The following ADD2 variants were observed in gnomAD, a reference collection of about 807,000 sequenced individuals.
ADD2 encodes the protein adducin 2.
ADD2 carries 23 observed loss-of-function variants against 83.0 expected under a neutral mutation model. That is an observed-to-expected ratio of 0.28 (90% CI 0.20 to 0.39). The LOEUF (loss-of-function observed/expected upper bound fraction) is 0.39, where lower values mean the gene tolerates loss of function less well. Among genes scored for constraint, ADD2 ranks in the 10% least tolerant of loss-of-function variants. ADD2 has a pLI of 1.00. For synonymous variants in ADD2, 375 were observed against 375.4 expected (o/e 1.00, Z 0.01); for missense variants, 758 against 944.9 (o/e 0.80, Z 2.59).
At chr2:70,704,273 AC>A in intron 4 of ADD2, 47 bp downstream of exon 4, 1 of 523,424 alleles carries the variant, frequency 1.9e-6, no homozygotes, top group Non-Finnish European at 3.1e-6. Context: ...TCCCCACCCC[AC>A]CCTCCCCTCC....
chr2:70,726,282 G>A (rs1553378281), intron 1 of ADD2, among the ~76,000 whole-genome samples: 1 of 150,722 alleles, frequency 6.6e-6, no homozygotes, highest in African/African-American at 2.4e-5. Context: ...AGAGGTTGTA[G>A]ATCCAGTCAG....
At chr2:70,674,615 T>C in intron 14 of ADD2, 63 bp downstream of exon 14, 1 of 1,544,570 alleles carries the variant, frequency 6.5e-7, no homozygotes. Flanking sequence ...CTCTTGGTAG[T>C]CCTGAGCTCT....
intron 4 of ADD2, 58 bp downstream of exon 4, chr2:70,704,263 T>TGGGGCCCCCCCCCCCCCCCCCCCC: frequency 2.2e-6 from 2 of 913,238 alleles, no homozygotes; most frequent in Non-Finnish European, 3.4e-6. Context: ...CTCCCTCTCT[T>TGGGGCCCCCCCCCCCCCCCCCCCC]CCCCACCCCA....
At chr2:70,709,629 T>G (rs2104398475) in intron 2 of ADD2, among the ~76,000 whole-genome samples, 1 of 152,332 alleles carries the variant, frequency 6.6e-6, no homozygotes, top group South Asian at 2.1e-4. Context: ...CTGGGGTCCC[T>G]TCTAGCTCTG....
intron 6 of ADD2, 146 bp from the exon 7 acceptor site, chr2:70,692,698 A>T: frequency 1.2e-6 from 1 of 848,872 alleles, no homozygotes; most frequent in Non-Finnish European, 1.7e-6. Context: ...GTGTTGGAAG[A>T]AAACAAACCA....
Position 70,663,530 on chromosome 2 carries a change from C to T in ADD2, c.2076G>A (p.Met692Ile), listed in dbSNP as rs782089181. Residue 692 changes from methionine (M) to isoleucine (I), a missense_variant, in exon 16 of 16, where the codon ATG becomes ATA. This residue lies in a region of ADD2 where 165 missense variants were observed against 176.2 expected (regional missense o/e 0.94). Transcript: ENST00000264436. ...DKTESVTSGPMSPEGSPSKSP... is the reference protein window; with the variant it reads ...DKTESVTSGPISPEGSPSKSP... ...ACTTGGAAGGTGAGCCCTCTGGGGACATGGGGCCGCTGGTGACCGACTCGG... is the reference window on the plus strand; with the variant it reads ...ACTTGGAAGGTGAGCCCTCTGGGGATATGGGGCCGCTGGTGACCGACTCGG... 1.2e-6 allele frequency: 2 copies of T among 1,614,020 alleles called. No homozygotes were observed. Among genetic ancestry groups the T allele is most frequent in the African/African-American group, 2.7e-5 (2 of 74,892 alleles).
At chr2:70,694,797 T>C (rs534001019) in intron 6 of ADD2, among the ~76,000 whole-genome samples, 1 of 152,196 alleles carries the variant, frequency 6.6e-6, no homozygotes, top group African/African-American at 2.4e-5. Flanking sequence ...CTCCCCAAGC[T>C]TCCTTCACCT....
intron 1 of ADD2, among the ~76,000 whole-genome samples, chr2:70,722,426 G>A (rs565080677): frequency 4.6e-5 from 7 of 152,194 alleles, no homozygotes; most frequent in Non-Finnish European, 1.0e-4. Context: ...AATGAAGTAA[G>A]GAACTCAACT....
intron 1 of ADD2, among the ~76,000 whole-genome samples, chr2:70,723,531 C>T (rs1672834954): frequency 6.6e-6 from 1 of 152,108 alleles, no homozygotes; most frequent in Non-Finnish European, 1.5e-5. Flanking sequence ...GTTATGTCTG[C>T]TGCTCAATTT....
At chr2:70,683,814 C>A in intron 9 of ADD2, 47 bp from the exon 10 acceptor site, 2 of 1,569,166 alleles carry the variant, frequency 1.3e-6, no homozygotes, top group Non-Finnish European at 1.7e-6. Flanking sequence ...ACATGGGTAC[C>A]CTGCACTTAT....
At chr2:70,703,810 C>G (rs894912095) in intron 4 of ADD2, among the ~76,000 whole-genome samples, 24 of 152,164 alleles carry the variant, frequency 1.6e-4, no homozygotes, top group African/African-American at 5.1e-4. Flanking sequence ...AATATGAGGG[C>G]TTTAAGAACA....
chr2:70,753,944 G>T (rs772225384), intron 1 of ADD2, among the ~76,000 whole-genome samples: 1 of 152,124 alleles, frequency 6.6e-6, no homozygotes, highest in Non-Finnish European at 1.5e-5. Flanking sequence ...TTACATTAAA[G>T]GTCACCGTCA....
intron 1 of ADD2, among the ~76,000 whole-genome samples, chr2:70,720,160 T>C (rs1672666165): frequency 6.6e-6 from 1 of 152,160 alleles, no homozygotes. Flanking sequence ...ACTTTGCATC[T>C]AAACTGGAGG....
chr2:70,751,493 T>C (rs556894468), intron 1 of ADD2, among the ~76,000 whole-genome samples: 1 of 152,216 alleles, frequency 6.6e-6, no homozygotes, highest in Admixed American at 6.5e-5. Context: ...AGGGTTGTGA[T>C]AGAAACTACT....
intron 5 of ADD2, 82 bp from the exon 6 acceptor site, chr2:70,695,883 C>T: frequency 8.3e-7 from 1 of 1,204,972 alleles, no homozygotes; most frequent in African/African-American, 1.5e-5. Flanking sequence ...CCCCTCTTCC[C>T]CTGAATCTAC....
At chr2:70,704,281 C>CCCCCA in intron 4 of ADD2, 40 bp downstream of exon 4, 7 of 1,546,744 alleles carry the variant, frequency 4.5e-6, no homozygotes, top group Non-Finnish European at 5.3e-6. Context: ...CCACCCTCCC[C>CCCCCA]TCCACCTCTG....
At chr2:70,681,925 C>G (rs1443954031) in intron 10 of ADD2, among the ~76,000 whole-genome samples, 26 of 152,106 alleles carry the variant, frequency 1.7e-4, no homozygotes, top group African/African-American at 5.8e-4. Flanking sequence ...GCTATGTTGC[C>G]CAGGCTGGTC....
At chr2:70,694,266 T>C (rs1212083502) in intron 6 of ADD2, among the ~76,000 whole-genome samples, 1 of 152,176 alleles carries the variant, frequency 6.6e-6, no homozygotes, top group African/African-American at 2.4e-5. Context: ...ATCCAACTGA[T>C]CAGCAGGCCT....
At chr2:70,691,113 G>A (rs1461066774) in intron 7 of ADD2, among the ~76,000 whole-genome samples, 184 bp from the exon 8 acceptor site, 10 of 152,312 alleles carry the variant, frequency 6.6e-5, no homozygotes, top group Admixed American at 2.0e-4. Flanking sequence ...GTTGTGTCAC[G>A]CTGCTTGCTC....
Sources: allele counts gnomAD v4.1 joint callset (sites outside exome capture counted in the v4.1 genomes callset), GRCh38; gene constraint gnomAD v4.1.1; regional missense constraint gnomAD v4.1.1; transcripts MANE v1.5; gene names NCBI Gene and HGNC (gene_info 2026-07-23, HGNC 2026-07-21).